Variants in CPED1 observed in about 807,000 individuals in gnomAD.
CPED1 encodes cadherin like and PC-esterase domain containing 1, also known as cadherin-like and PC-esterase domain-containing protein 1.
Under a neutral mutation model 128.2 loss-of-function variants are expected in CPED1, and 114 were observed. The observed-to-expected ratio is 0.89, with a 90% confidence interval of 0.76 to 1.04. CPED1 has a LOEUF of 1.04. Ranked by LOEUF, CPED1 falls within the 50% of genes least tolerant of loss-of-function variation. CPED1 has a pLI of 0.00. For synonymous variants in CPED1, 462 were observed against 426.7 expected (o/e 1.08, Z -1.02); for missense variants, 1,211 against 1,207.1 (o/e 1.00, Z -0.05).
intron 2 of CPED1, among the ~76,000 whole-genome samples, chr7:121,001,171 G>T (rs1262296529): frequency 6.6e-6 from 1 of 151,992 alleles, no homozygotes; most frequent in Non-Finnish European, 1.5e-5. Flanking sequence ...TTCCTTTTTG[G>T]CACCTATAGA....
chr7:121,123,461 A>G (rs532536152), intron 7 of CPED1, among the ~76,000 whole-genome samples: 297 of 152,250 alleles, frequency 2.0e-3, no homozygotes, highest in African/African-American at 7.0e-3. Flanking sequence ...TTCAAAAAAT[A>G]TTTTTTGTTC....
At chr7:121,284,561 G>A (rs74658221) in intron 22 of CPED1, among the ~76,000 whole-genome samples, 3,696 of 152,216 alleles carry the variant, frequency 0.024, 124 homozygotes, top group South Asian at 0.13. Context: ...ATAAAATGGG[G>A]GTACAGACAT....
chr7:121,257,715 T>C (rs1791917753), intron 18 of CPED1, among the ~76,000 whole-genome samples: 1 of 152,074 alleles, frequency 6.6e-6, no homozygotes, highest in Non-Finnish European at 1.5e-5. Context: ...TCCATGAGAA[T>C]GATAAAAATA....
At chr7:121,003,694 T>C (rs1791926468) in intron 2 of CPED1, among the ~76,000 whole-genome samples, 1 of 152,152 alleles carries the variant, frequency 6.6e-6, no homozygotes, top group South Asian at 2.1e-4. Context: ...CAGGAACAGG[T>C]AGACAGGGTA....
At chr7:121,061,817 T>A (rs1793679844) in intron 4 of CPED1, among the ~76,000 whole-genome samples, 1 of 152,214 alleles carries the variant, frequency 6.6e-6, no homozygotes, top group Admixed American at 6.5e-5. Context: ...GTTTAACAAT[T>A]AAAAAGTTAT....
intron 11 of CPED1, among the ~76,000 whole-genome samples, chr7:121,129,237 A>C (rs1795585709): frequency 6.8e-6 from 1 of 146,780 alleles, no homozygotes; most frequent in South Asian, 2.1e-4. Flanking sequence ...CTGATGTTTC[A>C]CTCAAGTATT....
At chr7:121,277,681 G>A (rs1487349731) in intron 22 of CPED1, among the ~76,000 whole-genome samples, 4 of 152,090 alleles carry the variant, frequency 2.6e-5, no homozygotes, top group Non-Finnish European at 4.4e-5. Context: ...CCCCCTGAGC[G>A]AATTAAATAA....
chr7:121,081,730 A>G (rs1794299922), intron 5 of CPED1, among the ~76,000 whole-genome samples: 1 of 152,208 alleles, frequency 6.6e-6, no homozygotes, highest in Non-Finnish European at 1.5e-5. Context: ...CAACAAGCAT[A>G]ATTAGTACTC....
chr7:121,017,868 C>T lies in CPED1; in HGVS notation c.433+2020C>T, dbSNP rs1490592747. The stretch of plus-strand genomic sequence containing the variant: ...CAGCCAAAGGAACTGCTGGGCCCAG[C>T]GGCATAAGATAACTATATAGTGTCC... On this transcript the variant is annotated intron_variant, in intron 3 of 22. Coordinates refer to ENST00000310396, the MANE Select transcript of CPED1 (RefSeq NM_024913.5). Among the ~76,000 whole-genome samples, 7 of 152,196 alleles carry T rather than the reference C, an allele frequency of 4.6e-5. No homozygotes were observed. In the South Asian group the frequency reaches 1.0e-3, roughly 23 times the overall value.
chr7:121,141,840 C>A lies in CPED1; in HGVS notation c.1887-133C>A, dbSNP rs147071086. On this transcript the variant is annotated intron_variant, in intron 15 of 22. Coordinates refer to ENST00000310396, the MANE Select transcript of CPED1 (RefSeq NM_024913.5). The stretch of plus-strand genomic sequence containing the variant: ...TTATTTATTTTCATAGTTTAGGTTT[C>A]TTATGAAATTGTACAGACCTTTCCT... 704 of 604,952 alleles carry A rather than the reference C, an allele frequency of 1.2e-3. 6 individuals are homozygous for A. In the East Asian group the frequency reaches 0.017, roughly 15 times the overall value. The allele number at this position is 604,952 out of a possible 1,614,324, so 37.5% of individuals were successfully genotyped here.
chr7:121,211,874 G>C (rs1040267046), intron 16 of CPED1, among the ~76,000 whole-genome samples: 1 of 152,042 alleles, frequency 6.6e-6, no homozygotes, highest in Non-Finnish European at 1.5e-5. Context: ...CACAGCAACA[G>C]CATTCAAGTT....
At chr7:121,040,253 T>C (rs1793014734) in intron 3 of CPED1, among the ~76,000 whole-genome samples, 3 of 152,138 alleles carry the variant, frequency 2.0e-5, no homozygotes, top group Non-Finnish European at 4.4e-5. Context: ...ACATACGATT[T>C]CTCTTAAATT....
chr7:121,056,979 CTTTTTTCT>C (rs1429647584), intron 4 of CPED1, among the ~76,000 whole-genome samples: 1 of 58,832 alleles, frequency 1.7e-5, no homozygotes, highest in Admixed American at 2.5e-4. Flanking sequence ...TCTATTTTTT[CTTTTTTCT>C]TTTTTTTTGA....
intron 7 of CPED1, 79 bp downstream of exon 7, chr7:121,100,173 C>A (rs1412911056): frequency 3.3e-6 from 4 of 1,202,432 alleles, no homozygotes; most frequent in Admixed American, 2.2e-5. Context: ...CATTTTCCCA[C>A]CTTTATGGTT....
intron 5 of CPED1, among the ~76,000 whole-genome samples, chr7:121,069,807 A>G (rs1325325499): frequency 6.6e-6 from 1 of 152,170 alleles, no homozygotes; most frequent in Non-Finnish European, 1.5e-5. Flanking sequence ...CAAGTATAAA[A>G]CAAAACATAA....
intron 5 of CPED1, among the ~76,000 whole-genome samples, chr7:121,071,573 G>A (rs1324138304): frequency 6.6e-6 from 1 of 151,876 alleles, no homozygotes; most frequent in African/African-American, 2.4e-5. Flanking sequence ...TTGAGACGAG[G>A]TCTCACTATA....
intron 14 of CPED1, among the ~76,000 whole-genome samples, chr7:121,138,932 G>A (rs977174575): frequency 6.6e-6 from 1 of 151,546 alleles, no homozygotes; most frequent in Non-Finnish European, 1.5e-5. Context: ...GCTTATCTCG[G>A]GGTCTTTAAC....
chr7:121,187,963 T>C (rs926234278), intron 16 of CPED1, among the ~76,000 whole-genome samples: 11 of 152,190 alleles, frequency 7.2e-5, no homozygotes, highest in Non-Finnish European at 1.6e-4. Context: ...GTTCATGTTT[T>C]GTTAGGCTCA....
At chr7:121,135,438 G>A (rs1470489535) in intron 13 of CPED1, among the ~76,000 whole-genome samples, 3 of 151,988 alleles carry the variant, frequency 2.0e-5, no homozygotes, top group Non-Finnish European at 2.9e-5. Context: ...ATGAGACCCA[G>A]CGATTTGTCT....
Sources: gnomAD v4.1 joint callset for allele counts (sites outside exome capture counted in the v4.1 genomes callset) on GRCh38, gnomAD v4.1.1 for gene constraint, MANE v1.5 for transcripts, NCBI Gene and HGNC (gene_info 2026-07-23, HGNC 2026-07-21) for gene names.